Variants in RBFOX1 observed in about 807,000 individuals in gnomAD.
RBFOX1 encodes the protein RNA binding protein fox-1 homolog 1.
A neutral mutation model predicts 57.7 loss-of-function variants in RBFOX1; 8 were observed. The observed-to-expected ratio is 0.14, with a 90% CI of 0.08 to 0.25. The LOEUF (loss-of-function observed/expected upper bound fraction) is 0.25. Ranked by LOEUF, RBFOX1 falls within the 10% of genes least tolerant of loss-of-function variation. The pLI, the probability that RBFOX1 is intolerant of heterozygous loss-of-function variation, is 1.00. For missense variants in RBFOX1, 611 were observed against 548.5 expected, an observed-to-expected ratio of 1.11 and a Z score of -1.14; for synonymous variants, 326 against 222.4, an observed-to-expected ratio of 1.47 and a Z score of -4.15.
intron 2 of RBFOX1, among the ~76,000 whole-genome samples, chr16:6,640,858 A>G (rs1331019566): frequency 6.6e-6 from 1 of 152,112 alleles, no homozygotes; most frequent in African/African-American, 2.4e-5. Context: ...TCTTAGGATT[A>G]AGGCCAAGAC....
chr16:7,259,760 G>T (rs994899309), intron 4 of RBFOX1, among the ~76,000 whole-genome samples: 5 of 151,970 alleles, frequency 3.3e-5, no homozygotes, highest in African/African-American at 1.2e-4. Flanking sequence ...ATCAATAGCT[G>T]GTGAGTTAAT....
At chr16:6,641,922 C>A (rs937349919) in intron 2 of RBFOX1, among the ~76,000 whole-genome samples, 3 of 152,100 alleles carry the variant, frequency 2.0e-5, no homozygotes, top group Admixed American at 2.0e-4. Flanking sequence ...AGGGCTTCTT[C>A]CAGCCTCTTC....
chr16:6,346,667 A>G (rs1213223416), intron 2 of RBFOX1, among the ~76,000 whole-genome samples: 1 of 152,190 alleles, frequency 6.6e-6, no homozygotes, highest in Non-Finnish European at 1.5e-5. Flanking sequence ...TGTTAGATTT[A>G]ATTTGTCTAT....
intron 1 of RBFOX1, among the ~76,000 whole-genome samples, chr16:6,050,123 T>A (rs1343297554): frequency 6.6e-6 from 1 of 152,006 alleles, no homozygotes; most frequent in African/African-American, 2.4e-5. Context: ...GACGCCTGAC[T>A]AATTTTTGTA....
intron 14 of RBFOX1, among the ~76,000 whole-genome samples, chr16:7,701,916 C>A (rs904312403): frequency 6.6e-6 from 1 of 152,142 alleles, no homozygotes. Flanking sequence ...AGGGTTTCTC[C>A]CTGTTGCAGC....
intron 3 of RBFOX1, among the ~76,000 whole-genome samples, chr16:7,038,534 A>C (rs2045207943): frequency 6.6e-6 from 1 of 152,172 alleles, no homozygotes; most frequent in Admixed American, 6.5e-5. Flanking sequence ...CCACCCTGCA[A>C]GGTATCAGAT....
rs915596031 is a variant in RBFOX1 at position 7,107,450 on chromosome 16, CAGG to C, written c.27+55356_27+55358del. On this transcript the variant is annotated intron_variant, in intron 4 of 15. Transcript: ENST00000550418. ...CTTGTACAACACTCCTCTCCTTACT[CAGG>C]AGGCTTTATTTTCTTAAACACAGCT... 2.3e-4 allele frequency among the ~76,000 whole-genome samples: 35 copies of C among 152,126 alleles called. 1 individual carries two copies. The highest frequency in any genetic ancestry group is 1.7e-3 in the Admixed American group (26 of 15,264).
At chr16:7,110,639 A>G (rs774454472) in intron 4 of RBFOX1, among the ~76,000 whole-genome samples, 2 of 152,182 alleles carry the variant, frequency 1.3e-5, no homozygotes, top group Non-Finnish European at 2.9e-5. Flanking sequence ...TTAACATGAG[A>G]CATGAAGAAA....
At chr16:5,478,657 C>T (rs1325996227) in intron 2 of RBFOX1, among the ~76,000 whole-genome samples, 1 of 152,160 alleles carries the variant, frequency 6.6e-6, no homozygotes, top group Non-Finnish European at 1.5e-5. Context: ...CTTATCTTTC[C>T]AGACCCGCTT....
intron 3 of RBFOX1, among the ~76,000 whole-genome samples, chr16:6,991,090 A>G (rs1026283272): frequency 1.4e-5 from 2 of 144,798 alleles, no homozygotes; most frequent in Admixed American, 7.2e-5. Context: ...CTGCTTCAGC[A>G]CAGAAGTTCG....
chr16:5,482,417 G>T (rs572225808), intron 2 of RBFOX1, among the ~76,000 whole-genome samples: 6 of 152,202 alleles, frequency 3.9e-5, no homozygotes, highest in Non-Finnish European at 8.8e-5. Context: ...CCCAGGCGGG[G>T]CTGGCAAATG....
At chr16:6,207,744 G>C (rs1381597071) in intron 1 of RBFOX1, among the ~76,000 whole-genome samples, 1 of 152,026 alleles carries the variant, frequency 6.6e-6, no homozygotes. Flanking sequence ...CTGGAGTGCA[G>C]TGGTGCGCAT....
chr16:6,871,203 G>A (rs2060807806), intron 3 of RBFOX1, among the ~76,000 whole-genome samples: 1 of 151,832 alleles, frequency 6.6e-6, no homozygotes, highest in Non-Finnish European at 1.5e-5. Flanking sequence ...TGCTTTTTTT[G>A]GAGATGGAGT....
At chr16:6,823,767 C>G (rs62017675) in intron 3 of RBFOX1, among the ~76,000 whole-genome samples, 33,443 of 152,004 alleles carry the variant, frequency 0.22, 4,447 homozygotes, top group East Asian at 0.49. Context: ...AGCCACTGTT[C>G]TAGTTGTTGC....
intron 9 of RBFOX1, among the ~76,000 whole-genome samples, chr16:7,602,318 C>T (rs952174822): frequency 2.0e-5 from 3 of 152,246 alleles, no homozygotes; most frequent in Non-Finnish European, 2.9e-5. Context: ...AAACTGCTTG[C>T]GTATCTGATA....
intron 1 of RBFOX1, among the ~76,000 whole-genome samples, chr16:6,121,153 G>T (rs1015834937): frequency 6.6e-6 from 1 of 152,192 alleles, no homozygotes; most frequent in Admixed American, 6.5e-5. Context: ...TCCAGGCACA[G>T]CCCTGCCAAC....
chr16:6,839,476 C>A lies in RBFOX1; in HGVS notation c.-16+184826C>A, dbSNP rs147705510. 5.9e-5 allele frequency among the ~76,000 whole-genome samples: 9 copies of A among 152,274 alleles called. No homozygotes were observed. In the East Asian group the frequency reaches 1.7e-3, roughly 29 times the overall value. On this transcript the variant is annotated intron_variant, in intron 3 of 15. Transcript: ENST00000550418. ...CTGCTATCTGCTGAACAGCTCTGGGCACAAATAGGTTTCTTTTATTATGGA... is the reference window on the plus strand; with the variant it reads ...CTGCTATCTGCTGAACAGCTCTGGGAACAAATAGGTTTCTTTTATTATGGA...
At chr16:5,811,909 C>G (rs1175244028) in intron 3 of RBFOX1, among the ~76,000 whole-genome samples, 1 of 152,178 alleles carries the variant, frequency 6.6e-6, no homozygotes, top group Non-Finnish European at 1.5e-5. Context: ...AGAAATATCT[C>G]ATTTGTAGTT....
At chr16:7,533,615 T>G (rs2080711084) in intron 5 of RBFOX1, among the ~76,000 whole-genome samples, 1 of 152,200 alleles carries the variant, frequency 6.6e-6, no homozygotes, top group South Asian at 2.1e-4. Context: ...CAAAATCATC[T>G]AACACAAAGC....
Sources: gnomAD v4.1 joint callset for allele counts (sites outside exome capture counted in the v4.1 genomes callset) on GRCh38, gnomAD v4.1.1 for gene constraint, MANE v1.5 for transcripts, NCBI Gene and HGNC (gene_info 2026-07-23, HGNC 2026-07-21) for gene names.